FRMPD4: variants seen among roughly 807,000 people sequenced by gnomAD.
FRMPD4 encodes FERM and PDZ domain containing 4, also known as FERM and PDZ domain-containing protein 4.
Under a neutral mutation model 94.1 loss-of-function variants are expected in FRMPD4, and 22 were observed. The observed-to-expected ratio is 0.23, with a 90% confidence interval of 0.17 to 0.33. The LOEUF (loss-of-function observed/expected upper bound fraction) is 0.33. Ranked by LOEUF, FRMPD4 falls within the 10% of genes least tolerant of loss-of-function variation. The pLI is 1.00. For missense variants in FRMPD4, 1,111 were observed against 1,339.9 expected (o/e 0.83, Z 2.67); for synonymous variants, 631 against 548.6 (o/e 1.15, Z -2.10).
intron 3 of FRMPD4, among the ~76,000 whole-genome samples, chrX:11,978,321 C>CAAAAAAAAAAAAAAAAAAAAAAAA (rs1172824155): frequency 1.2e-4 from 2 of 16,355 alleles, no homozygotes; most frequent in African/African-American, 4.5e-4. Flanking sequence ...AACTCCATCT[C>CAAAAAAAAAAAAAAAAAAAAAAAA]AAAAAAAAAA....
intron 1 of FRMPD4, among the ~76,000 whole-genome samples, chrX:12,331,717 T>C (rs1289701343): frequency 2.2e-5 from 1 of 44,719 alleles, no homozygotes; most frequent in East Asian, 4.4e-4. Context: ...ATATATAATT[T>C]ATATATAGTA....
intron 1 of FRMPD4, among the ~76,000 whole-genome samples, chrX:12,473,760 G>C (rs1377299176): frequency 9.1e-6 from 1 of 110,442 alleles, no homozygotes; most frequent in East Asian, 2.8e-4. Context: ...AACAAGAAGA[G>C]CTAACTATCC....
chrX:12,274,957 G>A (rs1296824422), intron 1 of FRMPD4, among the ~76,000 whole-genome samples: 2 of 111,890 alleles, frequency 1.8e-5, no homozygotes, highest in Admixed American at 9.4e-5. Context: ...TGCAGTGAGC[G>A]GTGATCGCGC....
At chrX:12,005,686 C>T (rs1321966865) in intron 3 of FRMPD4, among the ~76,000 whole-genome samples, 1 of 113,227 alleles carries the variant, frequency 8.8e-6, no homozygotes, top group Non-Finnish European at 1.9e-5. Context: ...AGAACTGATA[C>T]GCCTTTGGTC....
chrX:12,067,405 GTTTGTTTTTGTT>G (rs774385502), intron 3 of FRMPD4, among the ~76,000 whole-genome samples: 2 of 109,330 alleles, frequency 1.8e-5, no homozygotes, highest in Admixed American at 2.0e-4. Flanking sequence ...TTGTTTGTTT[GTTTGTTTTTGTT>G]TTTGTTTTTG....
At chrX:11,850,261 A>C (rs887712065) in intron 1 of FRMPD4, among the ~76,000 whole-genome samples, 1 of 112,517 alleles carries the variant, frequency 8.9e-6, no homozygotes, top group East Asian at 2.8e-4. Flanking sequence ...CACTATTAAA[A>C]ACAAAGAAAC....
At chrX:12,103,207 A>T (rs1053439828) in intron 3 of FRMPD4, among the ~76,000 whole-genome samples, 3 of 111,893 alleles carry the variant, frequency 2.7e-5, no homozygotes, top group South Asian at 3.8e-4. Context: ...CAAGGCTATT[A>T]TGAGGACTAA....
chrX:12,614,590 G>A (rs376252818), intron 3 of FRMPD4, among the ~76,000 whole-genome samples, 189 bp from the exon 4 acceptor site: 3 of 111,842 alleles, frequency 2.7e-5, no homozygotes, highest in Non-Finnish European at 3.8e-5. Flanking sequence ...GTCCCATCCC[G>A]AAAGATTCTG....
chrX:12,006,583 A>G (rs994542539), intron 3 of FRMPD4, among the ~76,000 whole-genome samples: 1 of 111,861 alleles, frequency 8.9e-6, no homozygotes, highest in African/African-American at 3.3e-5. Flanking sequence ...AAAATTCATA[A>G]TCACCTGGTG....
chrX:12,541,875 CA>C (rs1256813947), intron 2 of FRMPD4, among the ~76,000 whole-genome samples: 1 of 111,744 alleles, frequency 8.9e-6, no homozygotes, highest in Non-Finnish European at 1.9e-5. Flanking sequence ...AGCAGCACAT[CA>C]AAAAGCTTAT....
At chrX:12,053,372 A>AAG (rs1491247651) in intron 3 of FRMPD4, among the ~76,000 whole-genome samples, 1 of 71,067 alleles carries the variant, frequency 1.4e-5, no homozygotes, top group African/African-American at 5.2e-5. Flanking sequence ...GAAAGAAAGA[A>AAG]AGAAAGAAAG....
intron 1 of FRMPD4, among the ~76,000 whole-genome samples, chrX:12,424,954 T>G (rs1415093848): frequency 9.7e-6 from 1 of 103,029 alleles, no homozygotes; most frequent in African/African-American, 3.4e-5. Flanking sequence ...AATCCCTCAG[T>G]AATTCAGTTT....
At chrX:12,668,597 CTTTTTTTTTTTTTT>C (rs61675840) in intron 4 of FRMPD4, among the ~76,000 whole-genome samples, 2 of 71,614 alleles carry the variant, frequency 2.8e-5, no homozygotes, top group Non-Finnish European at 5.1e-5. Flanking sequence ...ATGGAAACTA[CTTTTTTTTTTTTTT>C]TTTTTTTTGT....
chrX:12,552,731 A>G (rs1009898032), intron 2 of FRMPD4, among the ~76,000 whole-genome samples: 7 of 112,480 alleles, frequency 6.2e-5, no homozygotes, highest in Non-Finnish European at 7.5e-5. Flanking sequence ...TGAAATCTAT[A>G]AAACGATATT....
chrX:11,867,019 C>T lies in FRMPD4; in HGVS notation c.-30+1803C>T, dbSNP rs759019706. Among the ~76,000 whole-genome samples the T allele has an allele frequency of 5.4e-5, 6 of 110,265 alleles. No homozygotes were observed. The South Asian group carries it at 1.5e-3, about 28-fold the overall frequency. On this transcript the variant is annotated intron_variant, in intron 2 of 18. Transcript: ENST00000640291. ...ATCACAACAGCCTATTGAGGGATTA[C>T]AATATTAATAATAATTATTTAATAA...
intron 2 of FRMPD4, among the ~76,000 whole-genome samples, chrX:12,587,114 G>A (rs2058936793): frequency 9.1e-6 from 1 of 109,718 alleles, no homozygotes; most frequent in East Asian, 2.8e-4. Context: ...GTAGCTGGGA[G>A]TACAAGTTCG....
At chrX:11,869,744 A>G (rs776908821) in intron 2 of FRMPD4, among the ~76,000 whole-genome samples, 2 of 112,108 alleles carry the variant, frequency 1.8e-5, no homozygotes, top group South Asian at 3.7e-4. Context: ...ACTCTGGTTT[A>G]GGAAGAAAAC....
intron 1 of FRMPD4, among the ~76,000 whole-genome samples, chrX:12,273,361 A>G (rs1273409304): frequency 1.8e-5 from 2 of 112,188 alleles, no homozygotes; most frequent in Non-Finnish European, 3.8e-5. Flanking sequence ...TATGTGTTAT[A>G]TTTTCTGCCA....
Position 12,471,829 on chromosome X carries a change from A to G in FRMPD4, c.42-26851A>G, listed in dbSNP as rs187249662. On this transcript the variant is annotated intron_variant, in intron 1 of 16. Coordinates refer to ENST00000675598, the MANE Select transcript of FRMPD4 (RefSeq NM_001368397.1). ...CAAGTGTCTCACATCATGTCTGCCA[A>G]TGCTTCCCTGGCCAAGCAAGTCATG... Among the ~76,000 whole-genome samples the G allele has an allele frequency of 2.9e-3, 321 of 112,132 alleles. 1 individual carries two copies. The highest frequency in any genetic ancestry group is 9.6e-3 in the African/African-American group (296 of 30,810).
Sources: allele counts gnomAD v4.1 joint callset (sites outside exome capture counted in the v4.1 genomes callset), GRCh38; gene constraint gnomAD v4.1.1; transcripts MANE v1.5; gene names NCBI Gene and HGNC (gene_info 2026-07-23, HGNC 2026-07-21).